The following RTN1 variants were observed in gnomAD, a reference collection of about 807,000 sequenced individuals.
RTN1 encodes the protein reticulon-1.
In RTN1, 25 loss-of-function variants were observed where a neutral mutation model predicts 65.5. The ratio of observed to expected loss-of-function variants is 0.38; its 90% confidence interval spans 0.28 to 0.53. The LOEUF is 0.53. Ranked by LOEUF, RTN1 falls within the 20% of genes least tolerant of loss-of-function variation. The pLI is 0.79. For synonymous variants in RTN1, 471 were observed against 447.6 expected, an observed-to-expected ratio of 1.05 and a Z score of -0.66; for missense variants, 983 against 1,025.4, an observed-to-expected ratio of 0.96 and a Z score of 0.57.
chr14:59,615,692 G>A (rs1212462238), intron 3 of RTN1, among the ~76,000 whole-genome samples: 1 of 152,166 alleles, frequency 6.6e-6, no homozygotes, highest in Non-Finnish European at 1.5e-5. Context: ...ATGCACGAAT[G>A]CAAACATGAA....
intron 3 of RTN1, among the ~76,000 whole-genome samples, chr14:59,724,148 C>A (rs577920067): frequency 6.6e-6 from 1 of 152,188 alleles, no homozygotes; most frequent in East Asian, 1.9e-4. Flanking sequence ...TACAGGGCGG[C>A]AAGAGCTCAG....
chr14:59,651,756 A>AC (rs916200543), intron 3 of RTN1, among the ~76,000 whole-genome samples: 6 of 150,476 alleles, frequency 4.0e-5, no homozygotes, highest in Non-Finnish European at 5.9e-5. Flanking sequence ...CAAACAAACA[A>AC]CCCCCCCAAA....
intron 2 of RTN1, among the ~76,000 whole-genome samples, chr14:59,728,146 C>T (rs1884820041): frequency 6.6e-6 from 1 of 152,060 alleles, no homozygotes; most frequent in Non-Finnish European, 1.5e-5. Flanking sequence ...ATTCCTCGTC[C>T]ATTGCTGTTT....
chr14:59,772,908 T>C (rs566105096), intron 1 of RTN1, among the ~76,000 whole-genome samples: 5 of 152,270 alleles, frequency 3.3e-5, no homozygotes, highest in East Asian at 3.9e-4. Context: ...CTCTAATCCC[T>C]GTGAATGAAC....
At chr14:59,692,083 GCAAA>G (rs1883973717) in intron 3 of RTN1, among the ~76,000 whole-genome samples, 1 of 152,088 alleles carries the variant, frequency 6.6e-6, no homozygotes, top group South Asian at 2.1e-4. Flanking sequence ...ACTAGCCAGA[GCAAA>G]CAGACAAAAG....
chr14:59,652,071 GA>G (rs1012878924), intron 3 of RTN1, among the ~76,000 whole-genome samples: 1 of 151,772 alleles, frequency 6.6e-6, no homozygotes, highest in African/African-American at 2.4e-5. Flanking sequence ...ACAAGCATAT[GA>G]AAAAAAACCT....
chr14:59,792,470 T>G (rs754264150), intron 1 of RTN1, among the ~76,000 whole-genome samples: 52 of 151,754 alleles, frequency 3.4e-4, no homozygotes, highest in Non-Finnish European at 7.4e-4. Context: ...GAAAGCCAAA[T>G]AGAAAACTGG....
At chr14:59,787,870 C>T (rs1262730775) in intron 1 of RTN1, among the ~76,000 whole-genome samples, 1 of 152,112 alleles carries the variant, frequency 6.6e-6, no homozygotes, top group East Asian at 1.9e-4. Flanking sequence ...TGTATATATC[C>T]TTCGGTAAAT....
At chr14:59,612,042 C>T (rs373528896) in intron 3 of RTN1, among the ~76,000 whole-genome samples, 110 of 152,262 alleles carry the variant, frequency 7.2e-4, no homozygotes, top group African/African-American at 2.6e-3. Context: ...TCTGTCCCCA[C>T]CTGGAGTGGA....
chr14:59,672,761 C>T (rs572150936), intron 3 of RTN1, among the ~76,000 whole-genome samples: 24 of 149,998 alleles, frequency 1.6e-4, no homozygotes, highest in East Asian at 5.9e-4. Flanking sequence ...CTGCCTCAGC[C>T]TCCCGAGTAG....
chr14:59,750,059 CATATATTATATATTATATATTATAGACAT>C (rs1885416152), intron 1 of RTN1, among the ~76,000 whole-genome samples: 1 of 70,124 alleles, frequency 1.4e-5, no homozygotes, highest in Non-Finnish European at 2.4e-5. Context: ...ATATTATATA[CATATATTATATATTATATATTATAGACAT>C]ATATATTATA....
rs1883582675 is a variant in RTN1, at chr14:59,674,596, T to C, written c.1765+52323A>G. ...CCAGAGGGATTACTACCAAAGGAAC[T>C]ATTTAACAAACGGCATTCAAAGAAA... On this transcript the variant is annotated intron_variant, in intron 3 of 8. Transcript: ENST00000267484. Among the ~76,000 whole-genome samples the C allele has an allele frequency of 2.0e-5, 3 of 152,200 alleles. No homozygotes were observed. In the South Asian group the frequency reaches 6.2e-4, roughly 32 times the overall value.
chr14:59,832,980 T>A (rs751305609), intron 1 of RTN1, among the ~76,000 whole-genome samples: 5 of 152,178 alleles, frequency 3.3e-5, no homozygotes, highest in Admixed American at 1.3e-4. Flanking sequence ...TCTTCCAGCA[T>A]GAAGATTGTG....
In RTN1 at chr14:59,674,023, A is replaced by T. The variant is rs530221259; in HGVS notation, c.1765+52896T>A. 1.3e-3 allele frequency among the ~76,000 whole-genome samples: 202 copies of T among 152,344 alleles called. 2 individuals carry two copies. The highest frequency in any genetic ancestry group is 2.1e-3 in the Non-Finnish European group (146 of 68,028). On this transcript the variant is annotated intron_variant, in intron 3 of 8. Transcript: ENST00000267484. ...ATTTACAATTTTATCACCACAATAA[A>T]GATATTGAGCAGTTTCAATGCCACA... is the stretch of plus-strand genomic sequence containing the variant.
At chr14:59,753,957 C>G (rs1885582627) in intron 1 of RTN1, among the ~76,000 whole-genome samples, 1 of 152,134 alleles carries the variant, frequency 6.6e-6, no homozygotes, top group South Asian at 2.1e-4. Context: ...GCAAATGTAC[C>G]TTGAGAGTCG....
At position 59,623,184 on chromosome 14, in the gene RTN1, G is replaced by A. The variant is rs141151815; in HGVS notation, c.1766-15692C>T. 1.3e-4 allele frequency among the ~76,000 whole-genome samples: 20 copies of A among 152,324 alleles called. No individual in the cohort carries two copies. The East Asian group carries it at 3.5e-3, about 26-fold the overall frequency. The stretch of plus-strand genomic sequence containing the variant: ...ACTATTCCCGAATGACTCCTCCTCG[G>A]GCTGGACTGAAGGCAAAAACTACTT... On this transcript the variant is annotated intron_variant, in intron 3 of 8. Coordinates refer to ENST00000267484, the MANE Select transcript of RTN1 (RefSeq NM_021136.3).
intron 3 of RTN1, among the ~76,000 whole-genome samples, chr14:59,703,097 A>G (rs905026273): frequency 6.6e-6 from 1 of 152,146 alleles, no homozygotes; most frequent in Non-Finnish European, 1.5e-5. Context: ...CTGATATAGT[A>G]TAGTGACCTG....
At chr14:59,864,052 C>T (rs900615967) in intron 1 of RTN1, among the ~76,000 whole-genome samples, 15 of 152,290 alleles carry the variant, frequency 9.8e-5, no homozygotes, top group African/African-American at 2.6e-4. Flanking sequence ...AGATTCTCAA[C>T]GCAGTGACTA....
At chr14:59,844,765 A>T (rs146588763) in intron 1 of RTN1, among the ~76,000 whole-genome samples, 178 of 152,328 alleles carry the variant, frequency 1.2e-3, no homozygotes, top group African/African-American at 3.5e-3. Flanking sequence ...AAAATATTTT[A>T]AAAAAGATAA....
Sources: gnomAD v4.1 joint callset for allele counts (sites outside exome capture counted in the v4.1 genomes callset) on GRCh38, gnomAD v4.1.1 for gene constraint, MANE v1.5 for transcripts, NCBI Gene and HGNC (gene_info 2026-07-23, HGNC 2026-07-21) for gene names.